Variants in RPS6KA5 observed in about 807,000 individuals in gnomAD.
RPS6KA5 encodes the protein ribosomal protein S6 kinase alpha-5.
In RPS6KA5, 27 loss-of-function variants were observed where a neutral mutation model predicts 85.5. That is an observed-to-expected ratio of 0.32 (90% confidence interval 0.23 to 0.44). The LOEUF (loss-of-function observed/expected upper bound fraction) is 0.44. Among genes scored for constraint, RPS6KA5 ranks in the 20% least tolerant of loss-of-function variants. RPS6KA5 has a pLI of 1.00. For synonymous variants in RPS6KA5, 334 were observed against 348.2 expected, an observed-to-expected ratio of 0.96 and a Z score of 0.46; for missense variants, 811 against 980.9, an observed-to-expected ratio of 0.83 and a Z score of 2.31.
At position 90,871,987 on chromosome 14, in the gene RPS6KA5, A is replaced by G; in HGVS notation, c.*87T>C. ...GGCAGATTCCAATGAGACCAACGGG[A>G]AACATTTTTAAAAGCATAAAAGATC... is the stretch of plus-strand genomic sequence containing the variant. On this transcript the variant is annotated 3_prime_UTR_variant, in exon 17 of 17. Coordinates refer to ENST00000614987, the MANE Select transcript of RPS6KA5 (RefSeq NM_004755.4). The G allele has an allele frequency of 6.7e-7, 1 of 1,496,758 alleles. No homozygotes were observed. The highest frequency in any genetic ancestry group is 1.4e-5 in the South Asian group (1 of 73,634). The allele number at this position is 1,496,758 out of a possible 1,614,324, so 92.7% of individuals were successfully genotyped here.
intron 1 of RPS6KA5, among the ~76,000 whole-genome samples, chr14:91,013,095 T>A (rs944791254): frequency 6.6e-6 from 1 of 152,178 alleles, no homozygotes; most frequent in African/African-American, 2.4e-5. Flanking sequence ...ATGCCCCCAG[T>A]GTACCTCCCT....
intron 5 of RPS6KA5, among the ~76,000 whole-genome samples, chr14:90,924,163 A>G (rs1261806061): frequency 6.6e-6 from 1 of 152,170 alleles, no homozygotes; most frequent in Non-Finnish European, 1.5e-5. Context: ...AATCACTGAG[A>G]ATAGTAGTAA....
At chr14:90,895,865 G>A (rs969744664) in intron 12 of RPS6KA5, among the ~76,000 whole-genome samples, 1 of 152,166 alleles carries the variant, frequency 6.6e-6, no homozygotes, top group Non-Finnish European at 1.5e-5. Context: ...ACTCCAGCCT[G>A]GGTGACAGAG....
intron 4 of RPS6KA5, among the ~76,000 whole-genome samples, chr14:90,944,687 G>A (rs970365054): frequency 1.3e-5 from 2 of 151,890 alleles, no homozygotes; most frequent in Non-Finnish European, 2.9e-5. Flanking sequence ...CCCGGGAGGT[G>A]GAGGTTACGG....
chr14:91,050,484 A>AGT (rs1308590778), intron 1 of RPS6KA5, among the ~76,000 whole-genome samples: 1 of 152,230 alleles, frequency 6.6e-6, no homozygotes, highest in Non-Finnish European at 1.5e-5. Flanking sequence ...GCTGGAGTGC[A>AGT]GTGGCACAAT....
At chr14:90,927,141 A>G (rs191477127) in intron 5 of RPS6KA5, among the ~76,000 whole-genome samples, 123 of 152,262 alleles carry the variant, frequency 8.1e-4, no homozygotes, top group African/African-American at 2.8e-3. Flanking sequence ...CAAGTCTAAA[A>G]TCAGGGTAAT....
At chr14:90,952,635 G>A (rs2038262153) in intron 3 of RPS6KA5, among the ~76,000 whole-genome samples, 1 of 152,214 alleles carries the variant, frequency 6.6e-6, no homozygotes, top group Non-Finnish European at 1.5e-5. Flanking sequence ...AATGATTTAA[G>A]ACAGTCTGTT....
intron 4 of RPS6KA5, among the ~76,000 whole-genome samples, 166 bp downstream of exon 4, chr14:90,947,269 T>G (rs963044111): frequency 1.1e-4 from 17 of 152,186 alleles, no homozygotes; most frequent in Non-Finnish European, 2.9e-5. Context: ...GAAAGTAGAT[T>G]TTTTCAAACG....
intron 3 of RPS6KA5, among the ~76,000 whole-genome samples, chr14:90,966,644 G>A (rs2039077062): frequency 6.6e-6 from 1 of 152,146 alleles, no homozygotes; most frequent in Non-Finnish European, 1.5e-5. Flanking sequence ...GTCAAGTTGG[G>A]ATCTGGCACC....
chr14:90,934,923 G>A lies in RPS6KA5; in HGVS notation c.618+8155C>T, dbSNP rs146851777. Among the ~76,000 whole-genome samples the A allele has an allele frequency of 1.1e-4, 16 of 152,258 alleles. No individual in the cohort carries two copies. The East Asian group carries it at 2.9e-3, about 28-fold the overall frequency. The stretch of plus-strand genomic sequence containing the variant: ...ACTGGGGCAACAGGGTAACACTTTG[G>A]TTTCTAGGTCTCCTATTTTCCCAAC... On this transcript the variant is annotated intron_variant, in intron 5 of 16. Transcript: ENST00000614987.
At position 90,947,129 on chromosome 14, in the gene RPS6KA5, T is replaced by C. The variant is rs142680288; in HGVS notation, c.510+306A>G. Among the ~76,000 whole-genome samples the C allele has an allele frequency of 3.3e-3, 509 of 152,348 alleles. 1 individual carries two copies. The highest frequency in any genetic ancestry group is 4.2e-3 in the Non-Finnish European group (285 of 68,028). ...TATTATGACTGATGGTTTCATTTTA[T>C]TGGTTATTTTAACAATTAAAAGCTT... is the stretch of plus-strand genomic sequence containing the variant. On this transcript the variant is annotated intron_variant, in intron 4 of 16. Transcript: ENST00000614987.
At chr14:90,964,877 T>G (rs1476995236) in intron 3 of RPS6KA5, among the ~76,000 whole-genome samples, 1 of 136,056 alleles carries the variant, frequency 7.3e-6, no homozygotes. Context: ...ATAGTGCCAC[T>G]GCACTCCAGC....
At chr14:91,059,050 G>A (rs966748969) in intron 1 of RPS6KA5, among the ~76,000 whole-genome samples, 2 of 152,104 alleles carry the variant, frequency 1.3e-5, no homozygotes, top group African/African-American at 2.4e-5. Context: ...TAACCCGGCC[G>A]GGCACGGTGG....
At chr14:91,032,872 T>C (rs2042244759) in intron 1 of RPS6KA5, among the ~76,000 whole-genome samples, 1 of 151,256 alleles carries the variant, frequency 6.6e-6, no homozygotes. Flanking sequence ...CCAATAAACA[T>C]ATGAAAAATG....
chr14:90,983,927 C>T (rs1337602936), intron 2 of RPS6KA5, among the ~76,000 whole-genome samples: 1 of 151,942 alleles, frequency 6.6e-6, no homozygotes, highest in African/African-American at 2.4e-5. Flanking sequence ...TCACTGCAAC[C>T]TCTCCCTTTT....
chr14:90,961,989 C>T (rs992879104), intron 3 of RPS6KA5, among the ~76,000 whole-genome samples: 6 of 152,144 alleles, frequency 3.9e-5, no homozygotes, highest in African/African-American at 1.4e-4. Context: ...AAAGTATCTG[C>T]AGACCAAATA....
intron 5 of RPS6KA5, among the ~76,000 whole-genome samples, chr14:90,928,966 C>CA (rs1461041369): frequency 2.0e-5 from 3 of 151,812 alleles, no homozygotes; most frequent in Non-Finnish European, 4.4e-5. Flanking sequence ...TAAAATCCAG[C>CA]AATGTATAAA....
At chr14:90,950,063 C>T (rs1041370173) in intron 3 of RPS6KA5, among the ~76,000 whole-genome samples, 5 of 152,176 alleles carry the variant, frequency 3.3e-5, no homozygotes, top group African/African-American at 1.2e-4. Context: ...CTTGAATCCA[C>T]GAACATGGGG....
chr14:90,910,243 A>G (rs1342613227), intron 7 of RPS6KA5, among the ~76,000 whole-genome samples: 1 of 152,234 alleles, frequency 6.6e-6, no homozygotes, highest in Admixed American at 6.5e-5. Context: ...AAAAAACCAA[A>G]TGAAATAAAA....
Sources: gnomAD v4.1 joint callset for allele counts (sites outside exome capture counted in the v4.1 genomes callset) on GRCh38, gnomAD v4.1.1 for gene constraint, MANE v1.5 for transcripts, NCBI Gene and HGNC (gene_info 2026-07-23, HGNC 2026-07-21) for gene names.